SLC4A4: variants seen among roughly 807,000 people sequenced by gnomAD.
SLC4A4 encodes the protein solute carrier family 4 member 4, also known as electrogenic sodium bicarbonate cotransporter 1.
SLC4A4 carries 27 observed loss-of-function variants against 111.5 expected under a neutral mutation model. The ratio of observed to expected loss-of-function variants is 0.24; its 90% CI spans 0.18 to 0.33. The LOEUF is 0.33. Among genes scored for constraint, SLC4A4 ranks in the 10% least tolerant of loss-of-function variants. SLC4A4 has a pLI of 1.00. For missense variants in SLC4A4, 909 were observed against 1,315.5 expected (o/e 0.69, Z 4.78); for synonymous variants, 443 against 463.4 (o/e 0.96, Z 0.57).
intron 18 of SLC4A4, among the ~76,000 whole-genome samples, chr4:71,540,953 A>G (rs1460523163): frequency 1.3e-5 from 2 of 152,144 alleles, no homozygotes; most frequent in Non-Finnish European, 2.9e-5. Context: ...ACATGGAACA[A>G]AGTTTCTGAA....
chr4:71,428,263 T>C (rs1198067925), intron 7 of SLC4A4, among the ~76,000 whole-genome samples: 1 of 152,144 alleles, frequency 6.6e-6, no homozygotes, highest in Admixed American at 6.6e-5. Flanking sequence ...CTTTTGAGTT[T>C]CTTGGATCTT....
chr4:71,222,589 T>C (rs1445959987), intron 1 of SLC4A4, among the ~76,000 whole-genome samples: 1 of 152,154 alleles, frequency 6.6e-6, no homozygotes, highest in East Asian at 1.9e-4. Flanking sequence ...AATGAATGAG[T>C]AAATGAATTA....
intron 18 of SLC4A4, among the ~76,000 whole-genome samples, chr4:71,537,607 A>G (rs1166200182): frequency 6.6e-6 from 1 of 151,952 alleles, no homozygotes; most frequent in East Asian, 1.9e-4. Flanking sequence ...GAATATCCCT[A>G]TCCTGGGAGA....
intron 1 of SLC4A4, among the ~76,000 whole-genome samples, chr4:71,083,685 A>G (rs970672412): frequency 6.6e-6 from 1 of 151,890 alleles, no homozygotes; most frequent in African/African-American, 2.4e-5. Flanking sequence ...CTGGGACAGC[A>G]AGAGCATGGG....
intron 1 of SLC4A4, among the ~76,000 whole-genome samples, chr4:71,191,650 CT>C (rs1160326350): frequency 1.3e-5 from 2 of 152,178 alleles, no homozygotes; most frequent in African/African-American, 4.8e-5. Flanking sequence ...CTTGCCGCAA[CT>C]TTATTTCAGT....
intron 1 of SLC4A4, among the ~76,000 whole-genome samples, chr4:71,084,903 C>A (rs1321495452): frequency 6.6e-6 from 1 of 151,990 alleles, no homozygotes; most frequent in East Asian, 1.9e-4. Context: ...GATTTATAAT[C>A]CTTTGGGTAT....
At chr4:71,084,108 A>G (rs1259427197) in intron 1 of SLC4A4, among the ~76,000 whole-genome samples, 1 of 151,880 alleles carries the variant, frequency 6.6e-6, no homozygotes, top group East Asian at 1.9e-4. Context: ...GCTTATATGG[A>G]AGACCATCTC....
At chr4:71,279,045 C>G (rs1723294765) in intron 3 of SLC4A4, among the ~76,000 whole-genome samples, 1 of 152,114 alleles carries the variant, frequency 6.6e-6, no homozygotes, top group Non-Finnish European at 1.5e-5. Context: ...AGCTAATTTA[C>G]ATATTCATCA....
At chr4:71,090,919 G>T (rs186570191) in intron 1 of SLC4A4, among the ~76,000 whole-genome samples, 1 of 152,110 alleles carries the variant, frequency 6.6e-6, no homozygotes, top group African/African-American at 2.4e-5. Flanking sequence ...ACAGAAGGTC[G>T]TTCATGTTGA....
At chr4:71,560,023 A>C in intron 22 of SLC4A4, 70 bp from the exon 23 acceptor site, 19 of 1,176,698 alleles carry the variant, frequency 1.6e-5, no homozygotes, top group Non-Finnish European at 2.3e-5. Context: ...CTTTGATAGG[A>C]GAGTATCTAT....
intron 2 of SLC4A4, among the ~76,000 whole-genome samples, chr4:71,146,111 C>T (rs539363954): frequency 2.8e-4 from 43 of 152,112 alleles, no homozygotes; most frequent in African/African-American, 4.6e-4. Flanking sequence ...CTCTACACAC[C>T]GCTTTGAATG....
At chr4:71,277,391 G>A (rs1328763605) in intron 3 of SLC4A4, among the ~76,000 whole-genome samples, 1 of 152,064 alleles carries the variant, frequency 6.6e-6, no homozygotes, top group South Asian at 2.1e-4. Flanking sequence ...TTTCCCTAAT[G>A]GCTAGTGGTG....
rs529560230 is a variant in SLC4A4 at position 71,124,402 on chromosome 4, C to T, written c.-2+31610C>T. ...GGCCAGGATGGTCTTGATCTCTTGACTATGTGATCCACCCCCCTCGACCTC... is the reference window on the plus strand; with the variant it reads ...GGCCAGGATGGTCTTGATCTCTTGATTATGTGATCCACCCCCCTCGACCTC... On this transcript the variant is annotated intron_variant, in intron 2 of 26. Coordinates refer to the SLC4A4 transcript ENST00000649996. Among the ~76,000 whole-genome samples, 4 of 152,116 alleles carry T rather than the reference C, an allele frequency of 2.6e-5. No homozygotes were observed. In the South Asian group the frequency reaches 8.3e-4, roughly 32 times the overall value.
rs571504074 is a variant in SLC4A4 at position 71,514,045 on chromosome 4, G to A, written c.2166+16353G>A. On this transcript the variant is annotated intron_variant, in intron 16 of 25. Transcript: ENST00000264485. Reference sequence around the variant, plus strand: ...GTTGGATTTGGGTTGCTGGTATTTTGTTGAGAATTTCTGCATCTGTGCTTA... The same window carrying A: ...GTTGGATTTGGGTTGCTGGTATTTTATTGAGAATTTCTGCATCTGTGCTTA... Among the ~76,000 whole-genome samples, 8 of 152,282 alleles carry A rather than the reference G, an allele frequency of 5.3e-5. No homozygotes were observed. The South Asian group carries it at 1.7e-3, about 32-fold the overall frequency.
In SLC4A4 at chr4:71,385,144, A is replaced by G. The variant is rs372038910; in HGVS notation, c.731-12433A>G. ...CTAGACTTCTGTCATTGGTGCTTGT[A>G]CTTTTTATTGTCAATATAGGTTAGA... On this transcript the variant is annotated intron_variant, in intron 6 of 25. Transcript: ENST00000264485. 1.4e-4 allele frequency among the ~76,000 whole-genome samples: 16 copies of G among 115,722 alleles called. 1 individual carries two copies. Among genetic ancestry groups the G allele is most frequent in the African/African-American group, 5.1e-4 (16 of 31,664 alleles). The allele number at this position is 115,722 out of a possible 152,430, so 75.9% of individuals were successfully genotyped here. A position where few individuals can be genotyped will look rare whatever the true frequency, so the allele number is the denominator to read the frequency against.
chr4:71,527,156 A>G (rs1394104086), intron 16 of SLC4A4, among the ~76,000 whole-genome samples: 2 of 152,052 alleles, frequency 1.3e-5, no homozygotes. Flanking sequence ...ACAGTATCTG[A>G]CTTAAATTTT....
At chr4:71,521,705 G>GAGCC (rs955600048) in intron 16 of SLC4A4, among the ~76,000 whole-genome samples, 3 of 152,160 alleles carry the variant, frequency 2.0e-5, no homozygotes, top group Non-Finnish European at 4.4e-5. Flanking sequence ...TGAGACTGGG[G>GAGCC]AGCCCATAGT....
Position 71,567,897 on chromosome 4 carries a change from GT to G in SLC4A4, c.*149del. On this transcript the variant is annotated 3_prime_UTR_variant, in exon 26 of 26. Transcript: ENST00000264485. ...GGGAACAGAAACTACATTGTAACCT[GT>G]TTGTCTTTCTTAAAACTGACATTTG... 7.0e-7 allele frequency: 1 copy of G among 1,427,918 alleles called. No homozygotes were observed. The highest frequency in any genetic ancestry group is 1.3e-5 in the South Asian group (1 of 77,128). 88.5% of individuals were successfully genotyped at this position (1,427,918 alleles called of 1,614,324 possible).
chr4:71,081,092 G>A (rs960145654), intron 1 of SLC4A4, among the ~76,000 whole-genome samples: 4 of 151,998 alleles, frequency 2.6e-5, no homozygotes, highest in African/African-American at 9.7e-5. Flanking sequence ...TTTTTCCTCT[G>A]AAGCACAAAG....
Sources: gnomAD v4.1 joint callset for allele counts (sites outside exome capture counted in the v4.1 genomes callset) on GRCh38, gnomAD v4.1.1 for gene constraint, MANE v1.5 for transcripts, NCBI Gene and HGNC (gene_info 2026-07-23, HGNC 2026-07-21) for gene names.